Variants in SGCZ observed in about 807,000 individuals in gnomAD.
The protein encoded by SGCZ is zeta-sarcoglycan.
In SGCZ, 40 loss-of-function variants were observed where a neutral mutation model predicts 41.3. The ratio of observed to expected loss-of-function variants is 0.97; its 90% confidence interval spans 0.75 to 1.26. The LOEUF (loss-of-function observed/expected upper bound fraction) is 1.26. SGCZ is among the 50% of genes most tolerant of loss of function. The probability of loss-of-function intolerance (pLI) is 0.00; values close to 1 mark genes in which losing one functional copy is unlikely to be tolerated. For missense variants in SGCZ, 552 were observed against 369.8 expected, an observed-to-expected ratio of 1.49 and a Z score of -4.04; for synonymous variants, 206 against 137.5, an observed-to-expected ratio of 1.50 and a Z score of -3.49.
At position 15,081,493 on chromosome 8, in the gene SGCZ, C is replaced by CT. The variant is rs10659307; in HGVS notation, c.39+156091dup. Reference sequence around the variant, plus strand: ...TTTTGGAATTGGCCAGATCCAATGGCTTTTTTTTTTTTTTACCCTCAATAA... The same window carrying CT: ...TTTTGGAATTGGCCAGATCCAATGGCTTTTTTTTTTTTTTTACCCTCAATAA... On this transcript the variant is annotated intron_variant, in intron 1 of 7. Transcript: ENST00000382080. Among the ~76,000 whole-genome samples, 1,204 of 139,692 alleles carry CT rather than the reference C, an allele frequency of 8.6e-3. 11 individuals are homozygous for CT. The highest frequency in any genetic ancestry group is 0.022 in the African/African-American group (841 of 38,712). The allele number at this position is 139,692 out of a possible 152,430, so 91.6% of individuals were successfully genotyped here. A position where few individuals can be genotyped will look rare whatever the true frequency, so the allele number is the denominator to read the frequency against.
intron 1 of SGCZ, among the ~76,000 whole-genome samples, chr8:14,796,095 T>G (rs1801120341): frequency 6.6e-6 from 1 of 152,256 alleles, no homozygotes; most frequent in Non-Finnish European, 1.5e-5. Context: ...TTAGGTTGAT[T>G]CCTTGTCTTT....
At chr8:15,212,684 T>A (rs1801271976) in intron 1 of SGCZ, among the ~76,000 whole-genome samples, 1 of 152,090 alleles carries the variant, frequency 6.6e-6, no homozygotes, top group Non-Finnish European at 1.5e-5. Context: ...TTTTGGCATC[T>A]TAGTTAATAG....
At chr8:14,554,511 C>G (rs1803970465) in intron 2 of SGCZ, among the ~76,000 whole-genome samples, 2 of 151,978 alleles carry the variant, frequency 1.3e-5, no homozygotes, top group Admixed American at 6.6e-5. Flanking sequence ...GTCTCGTGAT[C>G]TAAATTTCCC....
At chr8:14,317,363 G>A (rs2117014913) in intron 3 of SGCZ, among the ~76,000 whole-genome samples, 1 of 152,022 alleles carries the variant, frequency 6.6e-6, no homozygotes, top group Admixed American at 6.6e-5. Flanking sequence ...AGTTACAAGT[G>A]CCAAGATTTG....
In SGCZ at chr8:14,112,261, A is replaced by G. The variant is rs182856198; in HGVS notation, c.548-4026T>C. On this transcript the variant is annotated intron_variant, in intron 5 of 7. Transcript: ENST00000382080. ...CCAATAAAATCAACTATGATCATGA[A>G]TTTTTTGAGTTTTTTTTTTTGTGGG... 2.1e-3 allele frequency among the ~76,000 whole-genome samples: 273 copies of G among 131,552 alleles called. 3 individuals carry two copies. The highest frequency in any genetic ancestry group is 6.7e-3 in the African/African-American group (222 of 32,984). 86.3% of individuals were successfully genotyped at this position (131,552 alleles called of 152,430 possible).
chr8:14,486,582 G>A (rs1264375832), intron 2 of SGCZ, among the ~76,000 whole-genome samples: 7 of 152,184 alleles, frequency 4.6e-5, no homozygotes, highest in Admixed American at 2.0e-4. Flanking sequence ...GTGTGTGTGC[G>A]CGCGCGTGCG....
rs1009071430 is a variant in SGCZ, at chr8:14,929,608, A to C, written c.39+307977T>G. Among the ~76,000 whole-genome samples, 11 of 152,022 alleles carry C rather than the reference A, an allele frequency of 7.2e-5. No individual in the cohort carries two copies. In the East Asian group the frequency reaches 1.9e-3, roughly 27 times the overall value. The stretch of plus-strand genomic sequence containing the variant: ...CTTATTCTGAGCCTCCCAAAGAAGG[A>C]ATATACACTCAGCAGATCCCCATTA... On this transcript the variant is annotated intron_variant, in intron 1 of 7. Transcript: ENST00000382080.
chr8:14,921,419 CCTAT>C (rs1563364548), intron 1 of SGCZ, among the ~76,000 whole-genome samples: 3 of 151,930 alleles, frequency 2.0e-5, no homozygotes, highest in Non-Finnish European at 2.9e-5. Context: ...AGCAATGACC[CCTAT>C]CTATCAAGTT....
intron 1 of SGCZ, among the ~76,000 whole-genome samples, chr8:14,873,456 T>G (rs1349253402): frequency 1.3e-5 from 2 of 152,146 alleles, no homozygotes; most frequent in Non-Finnish European, 1.5e-5. Context: ...ACCCCAGAAG[T>G]GATCATTACT....
chr8:14,558,190 AGAGTCCAG>A (rs1323359676), intron 1 of SGCZ, among the ~76,000 whole-genome samples: 1 of 152,130 alleles, frequency 6.6e-6, no homozygotes, highest in Non-Finnish European at 1.5e-5. Context: ...ACCAACAAAA[AGAGTCCAG>A]GACCAGTTGG....
At chr8:14,293,641 T>G (rs913908085) in intron 3 of SGCZ, among the ~76,000 whole-genome samples, 2 of 151,928 alleles carry the variant, frequency 1.3e-5, no homozygotes, top group Non-Finnish European at 1.5e-5. Flanking sequence ...ATCTTCAAAC[T>G]AGTTAATGCA....
At chr8:14,900,372 G>T (rs531121874) in intron 1 of SGCZ, among the ~76,000 whole-genome samples, 1 of 152,140 alleles carries the variant, frequency 6.6e-6, no homozygotes, top group Non-Finnish European at 1.5e-5. Flanking sequence ...TGCATCCATT[G>T]AGTGAGTGAG....
intron 4 of SGCZ, among the ~76,000 whole-genome samples, chr8:14,235,289 C>T (rs1196375368): frequency 1.3e-5 from 2 of 152,154 alleles, no homozygotes; most frequent in African/African-American, 2.4e-5. Flanking sequence ...AGCAAAAATA[C>T]ATAAGTCATC....
intron 4 of SGCZ, among the ~76,000 whole-genome samples, chr8:14,182,559 G>A (rs568706019): frequency 2.0e-4 from 30 of 152,216 alleles, no homozygotes; most frequent in Middle Eastern, 3.4e-3. Context: ...TTCTCAATCT[G>A]CAGAAGGGAA....
chr8:14,206,790 G>A (rs938312804), intron 4 of SGCZ, among the ~76,000 whole-genome samples: 9 of 152,120 alleles, frequency 5.9e-5, no homozygotes, highest in Non-Finnish European at 1.3e-4. Context: ...CTATAAATAA[G>A]GCAATCTCTC....
chr8:14,441,718 A>C (rs1486558447), intron 2 of SGCZ, among the ~76,000 whole-genome samples: 1 of 152,178 alleles, frequency 6.6e-6, no homozygotes, highest in Non-Finnish European at 1.5e-5. Flanking sequence ...TTAATACATC[A>C]ATGACTTGTG....
At chr8:14,185,638 T>C (rs888445381) in intron 4 of SGCZ, among the ~76,000 whole-genome samples, 31 of 152,304 alleles carry the variant, frequency 2.0e-4, no homozygotes, top group Admixed American at 9.8e-4. Context: ...TCTTGACTTT[T>C]CTTCTATCTT....
At chr8:14,896,699 A>G (rs1368317350) in intron 1 of SGCZ, among the ~76,000 whole-genome samples, 1 of 150,074 alleles carries the variant, frequency 6.7e-6, no homozygotes, top group African/African-American at 2.5e-5. Context: ...GTAGTCTCGA[A>G]CTCCTGACCT....
rs1260220191 is a variant in SGCZ, at chr8:14,088,832, A to G, written c.*1611T>C. ...CAATATTTCTACTTTCACTAACCACATCTTTTGCAACAAGTTCTAATCTCC... is the reference window on the plus strand; with the variant it reads ...CAATATTTCTACTTTCACTAACCACGTCTTTTGCAACAAGTTCTAATCTCC... On this transcript the variant is annotated 3_prime_UTR_variant, in exon 8 of 8. Transcript: ENST00000382080. Among the ~76,000 whole-genome samples, 1 of 151,816 alleles carries G rather than the reference A, an allele frequency of 6.6e-6. No individual in the cohort carries two copies. Among genetic ancestry groups the G allele is most frequent in the South Asian group, 2.1e-4 (1 of 4,826 alleles).
Sources: gnomAD v4.1 joint callset for allele counts (sites outside exome capture counted in the v4.1 genomes callset) on GRCh38, gnomAD v4.1.1 for gene constraint, MANE v1.5 for transcripts, NCBI Gene and HGNC (gene_info 2026-07-23, HGNC 2026-07-21) for gene names.